Variants in SLCO3A1 observed in about 807,000 individuals in gnomAD.
The protein encoded by SLCO3A1 is solute carrier organic anion transporter family member 3A1, also known as PGE1 transporter.
A neutral mutation model predicts 63.1 loss-of-function variants in SLCO3A1; 27 were observed. The observed-to-expected ratio is 0.43, with a 90% CI of 0.32 to 0.59. SLCO3A1 has a LOEUF of 0.59. SLCO3A1 is among the 20% of genes least tolerant of loss of function. SLCO3A1 has a pLI of 0.09. For synonymous variants in SLCO3A1, 473 were observed against 409.9 expected (o/e 1.15, Z -1.86); for missense variants, 773 against 945.8 (o/e 0.82, Z 2.40).
chr15:92,001,596 GC>G (rs1051646529), intron 2 of SLCO3A1, among the ~76,000 whole-genome samples: 3 of 152,054 alleles, frequency 2.0e-5, no homozygotes, highest in South Asian at 2.1e-4. Context: ...GGTCTCACAT[GC>G]CCCCCCACCC....
chr15:92,138,155 G>T (rs2048083112), intron 7 of SLCO3A1, among the ~76,000 whole-genome samples: 1 of 116,944 alleles, frequency 8.6e-6, no homozygotes, highest in South Asian at 2.5e-4. Context: ...TTTTGTGTAA[G>T]GTGTAAGGAA....
chr15:92,021,015 G>T (rs1237801038), intron 2 of SLCO3A1, among the ~76,000 whole-genome samples: 1 of 152,232 alleles, frequency 6.6e-6, no homozygotes, highest in African/African-American at 2.4e-5. Context: ...AGGAGATGCT[G>T]ATAATAATAC....
At chr15:91,999,902 A>G (rs1309749455) in intron 2 of SLCO3A1, among the ~76,000 whole-genome samples, 2 of 152,244 alleles carry the variant, frequency 1.3e-5, no homozygotes, top group African/African-American at 4.8e-5. Flanking sequence ...ACAGGAGGAA[A>G]CCTAAGAATG....
At chr15:92,031,307 T>A (rs2046645554) in intron 2 of SLCO3A1, among the ~76,000 whole-genome samples, 4 of 152,186 alleles carry the variant, frequency 2.6e-5, no homozygotes, top group African/African-American at 7.2e-5. Context: ...TGGAAAAGCA[T>A]GAAGAGAAAG....
Position 92,163,023 on chromosome 15 carries a change from C to T in SLCO3A1, c.2021C>T (p.Thr674Ile), listed in dbSNP as rs1225846001. The T allele has an allele frequency of 3.1e-6, 5 of 1,606,178 alleles. 1 individual carries two copies. In the South Asian group the frequency reaches 3.3e-5, roughly 11 times the overall value. ...AGTGAGTTCTTTGCCTCTACTCTGA[C>T]CCTAGACAACCTGGGGAGGGACCCT... The part of the protein sequence containing the change: ...STSEFFASTL[T>I]LDNLGRDPVP... Residue 674 changes from threonine (T) to isoleucine (I), a missense_variant, in exon 10 of 10, where the codon ACC becomes ATC. Physicochemically the swap from Thr to Ile is moderately conservative, Grantham distance 89 (BLOSUM62 -1). Transcript: ENST00000318445.
At chr15:91,965,898 T>A (rs1014180940) in intron 2 of SLCO3A1, among the ~76,000 whole-genome samples, 1 of 152,132 alleles carries the variant, frequency 6.6e-6, no homozygotes, top group African/African-American at 2.4e-5. Flanking sequence ...TGATTCCAGC[T>A]CCTTGCTTTC....
rs1456887882 is a variant in SLCO3A1 at position 91,967,012 on chromosome 15, G to A, written c.646+50554G>A. Among the ~76,000 whole-genome samples, 5 of 151,962 alleles carry A rather than the reference G, an allele frequency of 3.3e-5. No individual in the cohort carries two copies. Among genetic ancestry groups the A allele is most frequent in the Non-Finnish European group, 5.9e-5 (4 of 67,994 alleles). ...TGGGGATTTTTTTTTTTGACAGCAAGAGAGATGAGATACAATTTGTATTTT... is the reference window on the plus strand; with the variant it reads ...TGGGGATTTTTTTTTTTGACAGCAAAAGAGATGAGATACAATTTGTATTTT... On this transcript the variant is annotated intron_variant, in intron 2 of 9. Coordinates refer to ENST00000318445, the MANE Select transcript of SLCO3A1 (RefSeq NM_013272.4). This position sits in a 1 kb window ranked among gnomAD's most constrained non-coding sequence, Gnocchi z 4.4.
rs1364215031 is a variant in SLCO3A1, at chr15:91,968,025, C to G, written c.646+51567C>G. Among the ~76,000 whole-genome samples the G allele has an allele frequency of 1.3e-5, 2 of 152,116 alleles. No homozygotes were observed. Among genetic ancestry groups the G allele is most frequent in the Non-Finnish European group, 2.9e-5 (2 of 68,034 alleles). On this transcript the variant is annotated intron_variant, in intron 2 of 9. Transcript: ENST00000318445. The surrounding 1 kb of genome is among the most constrained non-coding windows in gnomAD (Gnocchi z 4.2). ...TCTTCCTTCCCTTCTGATTGCCTTA[C>G]TTGTTCAGATGCTTCCATCCTGAAC...
At chr15:91,972,360 T>C (rs1331591468) in intron 2 of SLCO3A1, among the ~76,000 whole-genome samples, 1 of 152,084 alleles carries the variant, frequency 6.6e-6, no homozygotes, top group African/African-American at 2.4e-5. Flanking sequence ...GAATAGGTCA[T>C]GATGGAGGAG....
chr15:91,873,955 T>C (rs1054436866), intron 1 of SLCO3A1, among the ~76,000 whole-genome samples: 2 of 152,182 alleles, frequency 1.3e-5, no homozygotes, highest in African/African-American at 4.8e-5. Flanking sequence ...AAATTTACCA[T>C]CTTAATCATT....
At chr15:92,043,818 T>A (rs1036501696) in intron 2 of SLCO3A1, among the ~76,000 whole-genome samples, 2 of 152,186 alleles carry the variant, frequency 1.3e-5, no homozygotes, top group Non-Finnish European at 2.9e-5. Context: ...GAGGTCGAAA[T>A]TATAACCCTC....
At chr15:92,015,383 C>A (rs767739199) in intron 2 of SLCO3A1, among the ~76,000 whole-genome samples, 1 of 152,050 alleles carries the variant, frequency 6.6e-6, no homozygotes, top group African/African-American at 2.4e-5. Flanking sequence ...GAAGCAAGTA[C>A]CTTCTTCGCA....
In SLCO3A1 at chr15:91,954,135, A is replaced by G. The variant is rs1023890842; in HGVS notation, c.646+37677A>G. ...ATGAGGGAAAGATTGAGAAAGGCAC[A>G]TACAGTCTGTGAAGATAGTTTTGAC... On this transcript the variant is annotated intron_variant, in intron 2 of 9. Transcript: ENST00000318445. The surrounding 1 kb of genome is among the most constrained non-coding windows in gnomAD (Gnocchi z 4.7). Among the ~76,000 whole-genome samples the G allele has an allele frequency of 6.6e-6, 1 of 152,342 alleles. No individual in the cohort carries two copies. Among genetic ancestry groups the G allele is most frequent in the Middle Eastern group, 3.4e-3 (1 of 294 alleles).
chr15:91,904,957 T>C (rs2151372132), intron 1 of SLCO3A1, among the ~76,000 whole-genome samples: 1 of 152,350 alleles, frequency 6.6e-6, no homozygotes, highest in South Asian at 2.1e-4. Context: ...AATGATTTTG[T>C]ACCCTGACCT....
At chr15:92,129,421 G>A (rs2151569450) in intron 7 of SLCO3A1, among the ~76,000 whole-genome samples, 1 of 152,234 alleles carries the variant, frequency 6.6e-6, no homozygotes, top group South Asian at 2.1e-4. Flanking sequence ...CTACTCACCG[G>A]TCAGTAGCCT....
At position 92,165,796 on chromosome 15, in the gene SLCO3A1, C is replaced by T. The variant is rs990714008; in HGVS notation, c.*2661C>T. On this transcript the variant is annotated 3_prime_UTR_variant, in exon 10 of 10. Coordinates refer to ENST00000318445, the MANE Select transcript of SLCO3A1 (RefSeq NM_013272.4). Reference sequence around the variant, plus strand: ...ATTGTACATACAACACTAGATCCAGCCCCTCGATTATCTGTTTGGTTTCAA... The same window carrying T: ...ATTGTACATACAACACTAGATCCAGTCCCTCGATTATCTGTTTGGTTTCAA... 3.0e-6 allele frequency: 3 copies of T among 985,128 alleles called. No homozygotes were observed. Among genetic ancestry groups the T allele is most frequent in the South Asian group, 4.7e-5 (1 of 21,276 alleles). 61.0% of individuals were successfully genotyped at this position (985,128 alleles called of 1,614,324 possible).
chr15:92,172,149 T>C, exon 11 of SLCO3A1: 1 of 302,610 alleles, frequency 3.3e-6, no homozygotes, highest in East Asian at 6.2e-5. Flanking sequence ...CCCATCCCTC[T>C]ACCTCCTCTG....
chr15:91,958,588 A>C (rs948518883), intron 2 of SLCO3A1, among the ~76,000 whole-genome samples: 3 of 152,226 alleles, frequency 2.0e-5, no homozygotes, highest in African/African-American at 7.2e-5. Flanking sequence ...CTCAGTATTT[A>C]TTAGCCCTTA....
Position 92,070,642 on chromosome 15 carries a change from CTTTTTTT to C in SLCO3A1, c.647-24226_647-24220del, listed in dbSNP as rs57873454. Among the ~76,000 whole-genome samples, 1,207 of 145,338 alleles carry C rather than the reference CTTTTTTT, an allele frequency of 8.3e-3. 11 individuals carry two copies. The highest frequency in any genetic ancestry group is 0.011 in the African/African-American group (419 of 38,958). On this transcript the variant is annotated intron_variant, in intron 2 of 9. Transcript: ENST00000318445. ...CTGGGTGACAGAGCAACACTCTAGA[CTTTTTTT>C]TTTTTTTTTTTTGAGACAGAGTTAT...
Sources: gnomAD v4.1 joint callset for allele counts (sites outside exome capture counted in the v4.1 genomes callset) on GRCh38, gnomAD v4.1.1 for gene constraint, Gnocchi (gnomAD v3.1) non-coding constraint, MANE v1.5 for transcripts, NCBI Gene and HGNC (gene_info 2026-07-23, HGNC 2026-07-21) for gene names.